THSD7B: variants seen among roughly 807,000 people sequenced by gnomAD.
The protein encoded by THSD7B is thrombospondin type 1 domain containing 7B.
Under a neutral mutation model 213.6 loss-of-function variants are expected in THSD7B, and 138 were observed. The ratio of observed to expected loss-of-function variants is 0.65; its 90% confidence interval spans 0.56 to 0.74. The LOEUF is 0.74. Ranked by LOEUF, THSD7B falls within the 30% of genes least tolerant of loss-of-function variation. The pLI is 0.00. For synonymous variants in THSD7B, 742 were observed against 687.0 expected (o/e 1.08, Z -1.25); for missense variants, 1,931 against 1,991.5 (o/e 0.97, Z 0.58).
intron 2 of THSD7B, among the ~76,000 whole-genome samples, chr2:136,911,604 TCTTTC>T (rs1684259090): frequency 6.6e-6 from 1 of 152,228 alleles, no homozygotes; most frequent in African/African-American, 2.4e-5. Flanking sequence ...GTTGATAATG[TCTTTC>T]CTTATAGATG....
chr2:136,769,298 G>A (rs188190437), intron 1 of THSD7B, among the ~76,000 whole-genome samples: 1 of 152,268 alleles, frequency 6.6e-6, no homozygotes, highest in African/African-American at 2.4e-5. Context: ...ATCCTGGTAT[G>A]GGCTAGTTAT....
chr2:137,261,604 C>G (rs1172814078), intron 10 of THSD7B, among the ~76,000 whole-genome samples: 4 of 152,070 alleles, frequency 2.6e-5, no homozygotes, highest in Non-Finnish European at 5.9e-5. Context: ...AAGTTTTGAA[C>G]ACTAGTGACC....
intron 14 of THSD7B, among the ~76,000 whole-genome samples, chr2:137,416,314 C>A (rs1187959496): frequency 6.6e-6 from 1 of 152,120 alleles, no homozygotes; most frequent in Non-Finnish European, 1.5e-5. Context: ...TCAGCTGGAC[C>A]CTCGAGGACT....
intron 12 of THSD7B, among the ~76,000 whole-genome samples, chr2:137,284,924 TGC>T (rs1424559690): frequency 1.1e-4 from 16 of 152,158 alleles, no homozygotes; most frequent in Admixed American, 5.2e-4. Flanking sequence ...GTCCACTTTG[TGC>T]AGAGCTGAGT....
intron 12 of THSD7B, among the ~76,000 whole-genome samples, chr2:137,331,875 G>A (rs1012219107): frequency 6.6e-6 from 1 of 152,140 alleles, no homozygotes; most frequent in Non-Finnish European, 1.5e-5. Context: ...ATTGCCCGGG[G>A]CCGGCGGGGC....
chr2:137,033,961 G>T (rs1160965516), intron 2 of THSD7B, among the ~76,000 whole-genome samples: 4 of 149,684 alleles, frequency 2.7e-5, no homozygotes, highest in Non-Finnish European at 4.4e-5. Context: ...CCCACAACAG[G>T]CCCCAGTTTA....
At chr2:137,468,284 T>A (rs1300492996) in intron 15 of THSD7B, among the ~76,000 whole-genome samples, 1 of 152,080 alleles carries the variant, frequency 6.6e-6, no homozygotes, top group Non-Finnish European at 1.5e-5. Context: ...ACAGTTGCTA[T>A]AAAAAGTTTA....
chr2:136,818,643 C>T (rs936331254), intron 1 of THSD7B, among the ~76,000 whole-genome samples: 2 of 152,220 alleles, frequency 1.3e-5, no homozygotes, highest in African/African-American at 4.8e-5. Context: ...TAGGAATTGA[C>T]TATAGTCCCT....
rs1682503972 is a variant in THSD7B at position 137,620,712 on chromosome 2, C to A, written c.3785C>A (p.Thr1262Asn). ...GWTAWTECSQTCGHGGRMSRT... is the reference protein window; with the variant it reads ...GWTAWTECSQNCGHGGRMSRT... ...ACGGCTTGGACAGAGTGTTCACAGA[C>A]CTGTGGCCATGGAGGTATTGGTTTC... is the stretch of plus-strand genomic sequence containing the variant. Residue 1262 changes from threonine (T) to asparagine (N), a missense_variant, in exon 20 of 28, where the codon ACC (threonine) becomes AAC (asparagine). By Grantham distance (65) the Thr-to-Asn change is moderately conservative. Coordinates refer to ENST00000409968, the MANE Select transcript of THSD7B (RefSeq NM_001316349.2). 2 of 1,613,368 alleles carry A rather than the reference C, an allele frequency of 1.2e-6. No individual in the cohort carries two copies. The highest frequency in any genetic ancestry group is 1.7e-5 in the Admixed American group (1 of 59,998).
chr2:136,781,014 A>G (rs1681732449), intron 1 of THSD7B, among the ~76,000 whole-genome samples: 1 of 151,392 alleles, frequency 6.6e-6, no homozygotes, highest in African/African-American at 2.5e-5. Context: ...AAAATGCTTC[A>G]TGCAATGTGT....
chr2:137,183,831 C>T (rs1558950132), intron 7 of THSD7B, among the ~76,000 whole-genome samples: 1 of 151,990 alleles, frequency 6.6e-6, no homozygotes, highest in East Asian at 1.9e-4. Flanking sequence ...TGAAAAATGG[C>T]TCATTGTCAT....
intron 7 of THSD7B, among the ~76,000 whole-genome samples, chr2:137,220,016 G>A (rs1165509434): frequency 2.0e-5 from 3 of 152,110 alleles, no homozygotes; most frequent in Non-Finnish European, 4.4e-5. Flanking sequence ...ACACTGGTTG[G>A]AGAATTCACT....
chr2:137,407,830 T>A (rs1465701595), intron 13 of THSD7B, among the ~76,000 whole-genome samples: 3 of 151,992 alleles, frequency 2.0e-5, no homozygotes, highest in Non-Finnish European at 2.9e-5. Flanking sequence ...TCATCACAGG[T>A]TTTAGACTCA....
intron 17 of THSD7B, among the ~76,000 whole-genome samples, chr2:137,587,730 G>T (rs1042395194): frequency 4.6e-5 from 7 of 152,336 alleles, no homozygotes; most frequent in Non-Finnish European, 1.0e-4. Context: ...GCCGTGTGAG[G>T]TGTCAATCTG....
At position 137,405,655 on chromosome 2, in the gene THSD7B, T is replaced by C. The variant is rs767047951; in HGVS notation, c.2543T>C (p.Met848Thr). Residue 848 changes from methionine (M) to threonine (T), a missense_variant, in exon 13 of 28, where the codon ATG becomes ACG. Transcript: ENST00000409968. The part of the protein sequence containing the change: ...ISDDNRSAEM[M>T]ECLKQTNGMP... ...GATGACAACCGGTCAGCAGAAATGA[T>C]GGAATGCCTCAAGCAGACAAACGGC... is the stretch of plus-strand genomic sequence containing the variant. 8.7e-6 allele frequency: 14 copies of C among 1,611,030 alleles called. 1 individual carries two copies. The South Asian group carries it at 1.2e-4, about 14-fold the overall frequency.
intron 2 of THSD7B, among the ~76,000 whole-genome samples, chr2:136,971,216 C>T (rs1293107907): frequency 5.3e-5 from 8 of 152,054 alleles, no homozygotes; most frequent in Admixed American, 5.2e-4. Flanking sequence ...AAAACGAGTA[C>T]CCATGAAGGG....
intron 10 of THSD7B, among the ~76,000 whole-genome samples, chr2:137,261,281 C>T (rs189999805): frequency 6.6e-6 from 1 of 152,160 alleles, no homozygotes. Context: ...AAAGTGGTGA[C>T]CCTCTGCTCA....
intron 26 of THSD7B, among the ~76,000 whole-genome samples, chr2:137,664,630 A>G (rs569976763): frequency 1.8e-4 from 28 of 152,304 alleles, no homozygotes; most frequent in Non-Finnish European, 3.7e-4. Flanking sequence ...TTATCATCCC[A>G]TTTGAGAGAT....
chr2:137,106,428 A>G (rs976213833), intron 4 of THSD7B, among the ~76,000 whole-genome samples: 5 of 152,234 alleles, frequency 3.3e-5, no homozygotes, highest in Non-Finnish European at 5.9e-5. Flanking sequence ...CATAAGACCT[A>G]AAACTATAAC....
Sources: allele counts gnomAD v4.1 joint callset (sites outside exome capture counted in the v4.1 genomes callset), GRCh38; gene constraint gnomAD v4.1.1; transcripts MANE v1.5; gene names NCBI Gene and HGNC (gene_info 2026-07-23, HGNC 2026-07-21).